RGS6: variants seen among roughly 807,000 people sequenced by gnomAD.
RGS6 encodes the protein regulator of G protein signaling 6, also known as regulator of G-protein signaling 6.
RGS6 carries 30 observed loss-of-function variants against 78.5 expected under a neutral mutation model. The ratio of observed to expected loss-of-function variants is 0.38; its 90% CI spans 0.29 to 0.52. RGS6 has a LOEUF of 0.52. Among genes scored for constraint, RGS6 ranks in the 20% least tolerant of loss-of-function variants. The pLI is 0.85. For missense variants in RGS6, 495 were observed against 609.7 expected, an observed-to-expected ratio of 0.81 and a Z score of 1.98; for synonymous variants, 206 against 206.0, an observed-to-expected ratio of 1.00 and a Z score of 0.00.
chr14:72,421,986 C>A (rs1405144598), intron 3 of RGS6, among the ~76,000 whole-genome samples: 1 of 152,172 alleles, frequency 6.6e-6, no homozygotes, highest in Non-Finnish European at 1.5e-5. Context: ...TGGGAGGGAC[C>A]TGGTGGGTGG....
At chr14:72,547,049 C>A in intron 17 of RGS6, 1 of 881,720 alleles carries the variant, frequency 1.1e-6, no homozygotes, top group Non-Finnish European at 1.7e-6. Context: ...TGTGGGCTCC[C>A]ACCTGCCTAG....
At chr14:72,552,261 C>T (rs2097518959) in intron 17 of RGS6, among the ~76,000 whole-genome samples, 1 of 152,202 alleles carries the variant, frequency 6.6e-6, no homozygotes, top group Admixed American at 6.5e-5. Context: ...AGTTTTTCTG[C>T]ATTTCCTGGA....
chr14:72,084,725 G>T (rs1162410005), intron 2 of RGS6, among the ~76,000 whole-genome samples: 1 of 150,392 alleles, frequency 6.6e-6, no homozygotes, highest in Non-Finnish European at 1.5e-5. Context: ...TCTGGTCAAA[G>T]CTCATTCATT....
At chr14:72,031,586 A>G (rs1230588929) in intron 2 of RGS6, among the ~76,000 whole-genome samples, 1 of 152,234 alleles carries the variant, frequency 6.6e-6, no homozygotes, top group Non-Finnish European at 1.5e-5. Flanking sequence ...TGAAGACTCC[A>G]TGCTGACACT....
At chr14:72,124,205 A>T (rs1283011100) in intron 2 of RGS6, among the ~76,000 whole-genome samples, 1 of 152,114 alleles carries the variant, frequency 6.6e-6, no homozygotes, top group African/African-American at 2.4e-5. Flanking sequence ...TTGCTTTATT[A>T]TGTTGTTTAT....
the RGS6 span, among the ~76,000 whole-genome samples, chr14:71,907,813 T>C: frequency 6.6e-6 from 1 of 152,114 alleles, no homozygotes; most frequent in East Asian, 1.9e-4. Context: ...TCAACAGGGA[T>C]TGATGTTTGT....
In RGS6 at chr14:72,207,402, C is replaced by A. The variant is rs766788445; in HGVS notation, c.85-144693C>A. On this transcript the variant is annotated intron_variant, in intron 2 of 17. Coordinates refer to ENST00000553525, the MANE Select transcript of RGS6 (RefSeq NM_001204424.2). ...AAATGGGCAAGGTAAATTCCTAGTG[C>A]AATATCCTGTTACCTGGCTTCTTGC... Among the ~76,000 whole-genome samples, 4 of 152,292 alleles carry A rather than the reference C, an allele frequency of 2.6e-5. No individual in the cohort carries two copies. The East Asian group carries it at 7.7e-4, about 29-fold the overall frequency.
At chr14:72,562,366 T>C (rs1448604778) in intron 17 of RGS6, 51 bp from the exon 18 acceptor site, 3 of 1,570,008 alleles carry the variant, frequency 1.9e-6, no homozygotes, top group Non-Finnish European at 2.6e-6. Flanking sequence ...TCTGTCTCTG[T>C]CCCTCTGTGT....
chr14:72,166,691 C>T (rs2096932561), intron 2 of RGS6, among the ~76,000 whole-genome samples: 1 of 152,196 alleles, frequency 6.6e-6, no homozygotes, highest in Non-Finnish European at 1.5e-5. Flanking sequence ...GGAGTGGTTC[C>T]ATCTCACAAT....
At chr14:71,947,212 T>G (rs1270636731) in intron 1 of RGS6, among the ~76,000 whole-genome samples, 1 of 152,184 alleles carries the variant, frequency 6.6e-6, no homozygotes, top group Non-Finnish European at 1.5e-5. Context: ...TGGGTCTCCC[T>G]GTGGCTAAAG....
intron 2 of RGS6, among the ~76,000 whole-genome samples, chr14:72,301,965 A>G (rs2066167761): frequency 6.6e-6 from 1 of 152,242 alleles, no homozygotes; most frequent in Non-Finnish European, 1.5e-5. Context: ...GGGGGACATG[A>G]TAACATGCTG....
intron 2 of RGS6, among the ~76,000 whole-genome samples, chr14:72,135,232 G>T (rs890289658): frequency 2.0e-5 from 3 of 152,118 alleles, no homozygotes; most frequent in African/African-American, 4.8e-5. Flanking sequence ...TTAACACATG[G>T]TCACAAAAAC....
intron 3 of RGS6, among the ~76,000 whole-genome samples, chr14:72,409,959 A>G (rs1172085402): frequency 1.3e-5 from 2 of 152,146 alleles, no homozygotes; most frequent in Non-Finnish European, 2.9e-5. Flanking sequence ...AATCCAGTCT[A>G]TCATTGTTGG....
At chr14:72,250,434 T>C (rs1594806971) in intron 2 of RGS6, among the ~76,000 whole-genome samples, 3 of 125,930 alleles carry the variant, frequency 2.4e-5, no homozygotes, top group Admixed American at 1.6e-4. Flanking sequence ...TGTAAAAACA[T>C]TGAGAAGTTT....
At chr14:72,315,594 A>G (rs2069922551) in intron 2 of RGS6, among the ~76,000 whole-genome samples, 1 of 152,226 alleles carries the variant, frequency 6.6e-6, no homozygotes, top group African/African-American at 2.4e-5. Context: ...TCCTAAGTTA[A>G]TTAGTAGTTT....
chr14:72,260,790 T>C (rs2153884874), intron 2 of RGS6, among the ~76,000 whole-genome samples: 1 of 152,280 alleles, frequency 6.6e-6, no homozygotes, highest in Non-Finnish European at 1.5e-5. Context: ...GCTTCCAACA[T>C]ACAGTATTTG....
chr14:71,998,692 G>A (rs2082832740), intron 2 of RGS6, among the ~76,000 whole-genome samples: 1 of 152,176 alleles, frequency 6.6e-6, no homozygotes, highest in Non-Finnish European at 1.5e-5. Flanking sequence ...TTAATTAGTG[G>A]AATCCACTTC....
the RGS6 span, among the ~76,000 whole-genome samples, chr14:72,579,223 A>G: frequency 3.3e-5 from 5 of 152,200 alleles, no homozygotes; most frequent in African/African-American, 1.2e-4. Flanking sequence ...GAATCGGAGA[A>G]CAAGGCCAGG....
At chr14:71,919,345 A>C in the RGS6 span, among the ~76,000 whole-genome samples, 1 of 152,194 alleles carries the variant, frequency 6.6e-6, no homozygotes, top group Non-Finnish European at 1.5e-5. Flanking sequence ...TTAGTTACCC[A>C]TAAAGCTAGT....
Sources: allele counts gnomAD v4.1 joint callset (sites outside exome capture counted in the v4.1 genomes callset), GRCh38; gene constraint gnomAD v4.1.1; transcripts MANE v1.5; gene names NCBI Gene and HGNC (gene_info 2026-07-23, HGNC 2026-07-21).